Variants in ZNF267 observed in about 807,000 individuals in gnomAD.
ZNF267 encodes zinc finger protein 267.
Under a neutral mutation model 71.6 loss-of-function variants are expected in ZNF267, and 61 were observed. The ratio of observed to expected loss-of-function variants is 0.85; its 90% confidence interval spans 0.69 to 1.05. ZNF267 has a LOEUF of 1.05. ZNF267 is among the 50% of genes least tolerant of loss of function. The pLI is 0.00. For missense variants in ZNF267, 852 were observed against 870.0 expected, an observed-to-expected ratio of 0.98 and a Z score of 0.26; for synonymous variants, 288 against 293.2, an observed-to-expected ratio of 0.98 and a Z score of 0.18.
chr16:31,911,556 A>G (rs1306995831), intron 3 of ZNF267, among the ~76,000 whole-genome samples: 1 of 151,224 alleles, frequency 6.6e-6, no homozygotes, highest in African/African-American at 2.5e-5. Context: ...GTGTATCTTT[A>G]TAGATGAAGT....
intron 3 of ZNF267, among the ~76,000 whole-genome samples, chr16:31,907,648 T>C (rs2084102139): frequency 6.6e-6 from 1 of 152,180 alleles, no homozygotes. Context: ...ATGCCTGTTA[T>C]CCCAGCTACT....
intron 1 of ZNF267, chr16:31,875,426 A>T (rs1381768125): frequency 1.1e-6 from 1 of 881,618 alleles, no homozygotes; most frequent in African/African-American, 1.8e-5. Context: ...CTTCAAAGCT[A>T]GTTTTCATCC....
At position 31,915,424 on chromosome 16, in the gene ZNF267, C is replaced by A; in HGVS notation, c.1175C>A (p.Ser392Tyr). 6.2e-7 allele frequency: 1 copy of A among 1,613,696 alleles called. No individual in the cohort carries two copies. The highest frequency in any genetic ancestry group is 8.5e-7 in the Non-Finnish European group (1 of 1,179,856). Residue 392 changes from serine (S) to tyrosine (Y), a missense_variant, in exon 4 of 4, where the codon TCC becomes TAC. Coordinates refer to ENST00000300870, the MANE Select transcript of ZNF267 (RefSeq NM_003414.6). Reference sequence around the variant, plus strand: ...GCATGTAGCAAATCTTTTACTCGTTCCTCCAATCTTATTGTGCATCAGAGA... The same window carrying A: ...GCATGTAGCAAATCTTTTACTCGTTACTCCAATCTTATTGTGCATCAGAGA... ...CKACSKSFTRSSNLIVHQRIH... is the reference protein window; with the variant it reads ...CKACSKSFTRYSNLIVHQRIH...
At chr16:31,884,148 T>C (rs948265580) in intron 1 of ZNF267, among the ~76,000 whole-genome samples, 3 of 152,232 alleles carry the variant, frequency 2.0e-5, no homozygotes, top group Non-Finnish European at 4.4e-5. Context: ...TACTATACAA[T>C]TTGAGAAGTA....
intron 3 of ZNF267, among the ~76,000 whole-genome samples, chr16:31,904,953 C>T (rs2084076025): frequency 6.6e-6 from 1 of 152,114 alleles, no homozygotes. Context: ...TTAGTGCTTC[C>T]TTCAGGAGCT....
chr16:31,916,203 A>C lies in ZNF267; in HGVS notation c.1954A>C (p.Arg652=), dbSNP rs751200538. The C allele has an allele frequency of 6.2e-6, 10 of 1,614,044 alleles. No individual in the cohort carries two copies. The highest frequency in any genetic ancestry group is 8.5e-6 in the Non-Finnish European group (10 of 1,180,034). The part of the protein sequence containing the change: ...NYRSYLTTHQ[R]SHTGERPYKC... ...TAGGTCATACCTCACTACACATCAG[A>C]GAAGTCATACTGGAGAGAGACCCTA... The change falls in exon 4 of 4, where the codon AGA becomes CGA. Residue 652 remains arginine, a synonymous_variant. Coordinates refer to ENST00000300870, the MANE Select transcript of ZNF267 (RefSeq NM_003414.6).
At chr16:31,903,779 T>G (rs184487451) in intron 3 of ZNF267, among the ~76,000 whole-genome samples, 2 of 152,358 alleles carry the variant, frequency 1.3e-5, no homozygotes, top group South Asian at 4.1e-4. Flanking sequence ...TTTGTTTCTC[T>G]GTTTCCTTCA....
chr16:31,900,043 A>T (rs936133126), intron 3 of ZNF267, among the ~76,000 whole-genome samples: 2 of 151,958 alleles, frequency 1.3e-5, no homozygotes, highest in African/African-American at 4.8e-5. Flanking sequence ...ATTTATATAT[A>T]TATATAAACT....
At chr16:31,888,040 CT>C (rs2083935649) in intron 3 of ZNF267, among the ~76,000 whole-genome samples, 1 of 151,976 alleles carries the variant, frequency 6.6e-6, no homozygotes, top group Non-Finnish European at 1.5e-5. Context: ...TTTTCAATTA[CT>C]TTCATCAGTG....
rs2084159463 is a variant in ZNF267 at position 31,914,640 on chromosome 16, G to A, written c.391G>A (p.Glu131Lys). ...TGAAGGGCACAATGGATGTTATGATGAAAAGACTTTTAAATATGATCAATT... is the reference window on the plus strand; with the variant it reads ...TGAAGGGCACAATGGATGTTATGATAAAAAGACTTTTAAATATGATCAATT... ...ECEGHNGCYD[E>K]KTFKYDQFDE... The change falls in exon 4 of 4, where the codon GAA becomes AAA. Residue 131 changes from glutamate (E) to lysine (K), a missense_variant. By Grantham distance (56) the Glu-to-Lys change is moderately conservative. Coordinates refer to ENST00000300870, the MANE Select transcript of ZNF267 (RefSeq NM_003414.6). 6.2e-7 allele frequency: 1 copy of A among 1,614,012 alleles called. No homozygotes were observed. The highest frequency in any genetic ancestry group is 1.7e-5 in the Admixed American group (1 of 60,008).
At chr16:31,897,106 T>C (rs2084004894) in intron 3 of ZNF267, among the ~76,000 whole-genome samples, 1 of 143,204 alleles carries the variant, frequency 7.0e-6, no homozygotes, top group African/African-American at 2.5e-5. Context: ...ATCTTACATT[T>C]ACAAAACCTG....
chr16:31,875,005 A>G (rs1275476193), intron 1 of ZNF267: 1 of 674,006 alleles, frequency 1.5e-6, no homozygotes, highest in Non-Finnish European at 2.3e-6. Flanking sequence ...CATACATTTC[A>G]CGTGAGAGGA....
In ZNF267 at chr16:31,916,724, A is replaced by G. The variant is rs575203674; in HGVS notation, c.*243A>G. On this transcript the variant is annotated 3_prime_UTR_variant, in exon 4 of 4. Transcript: ENST00000300870. ...AGATAATCCATACTAGAGAAACACT[A>G]TAGATGTAAAAATGTGAAAAGTTTT... 7.1e-6 allele frequency: 3 copies of G among 422,638 alleles called. No individual in the cohort carries two copies. The highest frequency in any genetic ancestry group is 2.0e-5 in the African/African-American group (1 of 49,658). 26.2% of individuals were successfully genotyped at this position (422,638 alleles called of 1,614,324 possible). A position where few individuals can be genotyped will look rare whatever the true frequency, so the allele number is the denominator to read the frequency against.
At chr16:31,897,396 C>T (rs1429124555) in intron 3 of ZNF267, among the ~76,000 whole-genome samples, 1 of 151,820 alleles carries the variant, frequency 6.6e-6, no homozygotes, top group Non-Finnish European at 1.5e-5. Context: ...TTCTTAGAAC[C>T]CTTGTTGAAG....
At chr16:31,897,591 A>T (rs769101291) in intron 3 of ZNF267, among the ~76,000 whole-genome samples, 27 of 152,084 alleles carry the variant, frequency 1.8e-4, no homozygotes, top group Non-Finnish European at 3.4e-4. Context: ...ATTTCTTGAA[A>T]TTCCATAGAT....
intron 3 of ZNF267, chr16:31,911,757 T>C (rs547492707): frequency 4.6e-5 from 7 of 151,634 alleles, no homozygotes; most frequent in African/African-American, 1.7e-4. Flanking sequence ...GTCTTCATTT[T>C]AGTGAACATG....
intron 3 of ZNF267, among the ~76,000 whole-genome samples, chr16:31,900,982 G>A (rs1054594273): frequency 6.6e-6 from 1 of 151,874 alleles, no homozygotes; most frequent in Non-Finnish European, 1.5e-5. Flanking sequence ...CCCAGTGTGT[G>A]ATGTTCCCCT....
At chr16:31,892,004 A>C (rs762524371) in intron 3 of ZNF267, among the ~76,000 whole-genome samples, 32 of 152,180 alleles carry the variant, frequency 2.1e-4, no homozygotes, top group Non-Finnish European at 4.0e-4. Flanking sequence ...TTTTGACCAA[A>C]ATGCTGATAA....
At chr16:31,885,116 AAAG>A (rs1320341830) in intron 2 of ZNF267, 42 bp from the exon 3 acceptor site, 1 of 1,490,508 alleles carries the variant, frequency 6.7e-7, no homozygotes, top group Admixed American at 2.2e-5. Flanking sequence ...TAAAAAATAA[AAAG>A]AACCCTCATT....
Sources: gnomAD v4.1 joint callset for allele counts (sites outside exome capture counted in the v4.1 genomes callset) on GRCh38, gnomAD v4.1.1 for gene constraint, MANE v1.5 for transcripts, NCBI Gene and HGNC (gene_info 2026-07-23, HGNC 2026-07-21) for gene names.